FILIP1L: variants seen among roughly 807,000 people sequenced by gnomAD.
FILIP1L encodes the protein filamin A interacting protein 1 like.
Under a neutral mutation model 96.6 loss-of-function variants are expected in FILIP1L, and 55 were observed. That is an observed-to-expected ratio of 0.57 (90% CI 0.46 to 0.71). FILIP1L has a LOEUF of 0.71. Ranked by LOEUF, FILIP1L falls within the 30% of genes least tolerant of loss-of-function variation. The pLI is 0.00. For synonymous variants in FILIP1L, 467 were observed against 473.9 expected (o/e 0.99, Z 0.19); for missense variants, 1,304 against 1,321.2 (o/e 0.99, Z 0.20).
chr3:100,061,091 G>C (rs529268454), intron 1 of FILIP1L, among the ~76,000 whole-genome samples: 2 of 151,722 alleles, frequency 1.3e-5, no homozygotes, highest in Admixed American at 6.6e-5. Flanking sequence ...TGTGCACATA[G>C]AAGTTGACCT....
chr3:100,049,134 G>GT (rs2065327495), intron 1 of FILIP1L, among the ~76,000 whole-genome samples: 1 of 152,176 alleles, frequency 6.6e-6, no homozygotes, highest in African/African-American at 2.4e-5. Context: ...CTCTTTCCTT[G>GT]TTTTTTCTTT....
At chr3:99,942,850 A>C (rs1042595109) in intron 1 of FILIP1L, among the ~76,000 whole-genome samples, 2 of 152,014 alleles carry the variant, frequency 1.3e-5, no homozygotes, top group Non-Finnish European at 2.9e-5. Flanking sequence ...CTGAAAAACA[A>C]GAGGTGATTT....
rs968951826 is a variant in FILIP1L, at chr3:99,907,644, A to G, written c.605+16586T>C. On this transcript the variant is annotated intron_variant, in intron 4 of 5. Transcript: ENST00000477258. ...ACATTATGTGTACTTAAGCCAAACC[A>G]TATTCCTTGCTTTTTCCTGAATTTG... is the stretch of plus-strand genomic sequence containing the variant. Among the ~76,000 whole-genome samples the G allele has an allele frequency of 3.3e-5, 5 of 152,230 alleles. No individual in the cohort carries two copies. In the South Asian group the frequency reaches 8.3e-4, roughly 25 times the overall value.
rs1447146791 is a variant in FILIP1L at position 99,899,040 on chromosome 3, GGTTATTCCTC to G, written c.605+25180_605+25189del. 2.0e-5 allele frequency among the ~76,000 whole-genome samples: 3 copies of G among 152,132 alleles called. No individual in the cohort carries two copies. In the East Asian group the frequency reaches 5.8e-4, roughly 29 times the overall value. ...AACACACATACTGAAAAAAAAATGT[GGTTATTCCTC>G]CTTATTAGGACCTCAAAGACAGCTA... On this transcript the variant is annotated intron_variant, in intron 4 of 5. Transcript: ENST00000477258.
At chr3:100,027,399 A>C (rs899436865) in intron 1 of FILIP1L, among the ~76,000 whole-genome samples, 1 of 152,022 alleles carries the variant, frequency 6.6e-6, no homozygotes, top group African/African-American at 2.4e-5. Flanking sequence ...GCCAAATAAA[A>C]CTCTTCAATA....
chr3:99,849,316 C>T lies in FILIP1L; in HGVS notation c.2360G>A (p.Gly787Glu). ...TACTTGAGGATCGGAAATTCTTCTT[C>T]CATTGAGACTAGGCCTGAGGCTCTT... ...FSKSLRPSLNGRRISDPQVFS... is the reference protein window; with the variant it reads ...FSKSLRPSLNERRISDPQVFS... Residue 787 changes from glycine to glutamate, a missense_variant, in exon 5 of 6, where the codon GGA (glycine) becomes GAA (glutamate). Coordinates refer to ENST00000477258, the MANE Select transcript of FILIP1L (RefSeq NM_001387850.1). 1 of 1,614,142 alleles carries T rather than the reference C, an allele frequency of 6.2e-7. No individual in the cohort carries two copies. The highest frequency in any genetic ancestry group is 1.7e-5 in the Admixed American group (1 of 60,010).
At chr3:100,066,888 G>A (rs1259311390) in intron 1 of FILIP1L, among the ~76,000 whole-genome samples, 1 of 152,070 alleles carries the variant, frequency 6.6e-6, no homozygotes, top group Non-Finnish European at 1.5e-5. Context: ...ATTTTTACTT[G>A]ACCATACCAT....
At chr3:99,843,909 G>T (rs994055947) in intron 5 of FILIP1L, among the ~76,000 whole-genome samples, 1 of 152,156 alleles carries the variant, frequency 6.6e-6, no homozygotes, top group Non-Finnish European at 1.5e-5. Context: ...CACATGCGAG[G>T]GGTCTAGGCT....
chr3:100,043,867 A>G (rs2065242435), intron 1 of FILIP1L, among the ~76,000 whole-genome samples: 1 of 152,228 alleles, frequency 6.6e-6, no homozygotes, highest in East Asian at 1.9e-4. Flanking sequence ...GTTATTTTGA[A>G]TAACTGTAGT....
chr3:100,029,085 G>C (rs1429917527), intron 1 of FILIP1L, among the ~76,000 whole-genome samples: 1 of 151,998 alleles, frequency 6.6e-6, no homozygotes, highest in Non-Finnish European at 1.5e-5. Context: ...AAGCTACCCT[G>C]GGAGCTGAGG....
Position 99,907,920 on chromosome 3 carries a change from A to G in FILIP1L, c.605+16310T>C, listed in dbSNP as rs574232792. Among the ~76,000 whole-genome samples, 7 of 152,352 alleles carry G rather than the reference A, an allele frequency of 4.6e-5. No homozygotes were observed. The East Asian group carries it at 1.3e-3, about 29-fold the overall frequency. On this transcript the variant is annotated intron_variant, in intron 4 of 5. Transcript: ENST00000477258. Reference sequence around the variant, plus strand: ...CCATATGTGTGATCCAGTGCCTGGCACATGGAAGGAACTCAGTAAGCATTT... The same window carrying G: ...CCATATGTGTGATCCAGTGCCTGGCGCATGGAAGGAACTCAGTAAGCATTT...
At chr3:100,091,524 C>T (rs2066109842) in intron 1 of FILIP1L, among the ~76,000 whole-genome samples, 1 of 152,180 alleles carries the variant, frequency 6.6e-6, no homozygotes, top group South Asian at 2.1e-4. Flanking sequence ...AGCCTTCTAC[C>T]CTGTTCCCAG....
rs10629410 is a variant in FILIP1L, at chr3:99,929,513, AGTGTGTGT to A, written c.426+335_426+342del. On this transcript the variant is annotated intron_variant, in intron 3 of 5. Transcript: ENST00000477258. The stretch of plus-strand genomic sequence containing the variant: ...GCCTGGGTACCCTGCAAGTTCCCAG[AGTGTGTGT>A]GTGTGTGTGTGTGTGTGTGTAAGCA... 9.4e-4 allele frequency among the ~76,000 whole-genome samples: 140 copies of A among 148,284 alleles called. 1 individual carries two copies. Among genetic ancestry groups the A allele is most frequent in the Non-Finnish European group, 1.7e-3 (111 of 66,912 alleles).
Position 99,938,050 on chromosome 3 carries a change from AGTGT to A in FILIP1L, c.-10-7024_-10-7021del, listed in dbSNP as rs71625545. On this transcript the variant is annotated intron_variant, in intron 1 of 5. Transcript: ENST00000477258. Reference sequence around the variant, plus strand: ...ACTGGTGCCTGCAAAAGGCTCAGGAAGTGTGTGTGTGTGTGTGTGTGTGTGCGCG... The same window carrying A: ...ACTGGTGCCTGCAAAAGGCTCAGGAAGTGTGTGTGTGTGTGTGTGTGCGCG... Among the ~76,000 whole-genome samples, 1,191 of 148,994 alleles carry A rather than the reference AGTGT, an allele frequency of 8.0e-3. 7 individuals are homozygous for A. The highest frequency in any genetic ancestry group is 0.03 in the East Asian group (150 of 5,010).
At chr3:100,055,110 T>G (rs1467257027) in intron 1 of FILIP1L, among the ~76,000 whole-genome samples, 1 of 152,150 alleles carries the variant, frequency 6.6e-6, no homozygotes, top group Non-Finnish European at 1.5e-5. Context: ...CTTACCAAAG[T>G]CCTCGTGGTC....
chr3:99,924,192 T>A, intron 4 of FILIP1L, 38 bp downstream of exon 4: 1 of 1,579,664 alleles, frequency 6.3e-7, no homozygotes. Flanking sequence ...AGCTCATAGA[T>A]TGCAGAATGG....
At chr3:100,028,830 A>G (rs989818354) in intron 1 of FILIP1L, among the ~76,000 whole-genome samples, 2 of 152,076 alleles carry the variant, frequency 1.3e-5, no homozygotes, top group African/African-American at 2.4e-5. Context: ...TAGACTCCAA[A>G]CTCATTACTG....
At chr3:99,929,432 C>G (rs1326574473) in intron 3 of FILIP1L, among the ~76,000 whole-genome samples, 1 of 151,976 alleles carries the variant, frequency 6.6e-6, no homozygotes, top group African/African-American at 2.4e-5. Flanking sequence ...TGACATAATA[C>G]CTCAGTGTTT....
In FILIP1L at chr3:99,830,275, T is replaced by G. The variant is rs36019655; in HGVS notation, c.*139A>C. 1.8e-3 allele frequency: 607 copies of G among 341,514 alleles called. 2 individuals are homozygous for G. The highest frequency in any genetic ancestry group is 0.012 in the African/African-American group (576 of 46,718). The allele number at this position is 341,514 out of a possible 1,614,324, so 21.2% of individuals were successfully genotyped here. On this transcript the variant is annotated 3_prime_UTR_variant, in exon 6 of 6. Coordinates refer to ENST00000477258, the MANE Select transcript of FILIP1L (RefSeq NM_001387850.1). ...AAATAATTGTAGACGTGCTGCTTTT[T>G]GGGGGATGATCTTCATCAGGTCCAC...
Sources: allele counts gnomAD v4.1 joint callset (sites outside exome capture counted in the v4.1 genomes callset), GRCh38; gene constraint gnomAD v4.1.1; transcripts MANE v1.5; gene names NCBI Gene and HGNC (gene_info 2026-07-23, HGNC 2026-07-21).